Variants in ZNF536 observed in about 807,000 individuals in gnomAD.
The protein encoded by ZNF536 is zinc finger protein 536.
ZNF536 carries 13 observed loss-of-function variants against 84.5 expected under a neutral mutation model. The observed-to-expected ratio is 0.15, with a 90% CI of 0.10 to 0.24. The LOEUF is 0.24. Ranked by LOEUF, ZNF536 falls within the 10% of genes least tolerant of loss-of-function variation. ZNF536 has a pLI of 1.00. For missense variants in ZNF536, 1,536 were observed against 1,747.5 expected (o/e 0.88, Z 2.16); for synonymous variants, 811 against 742.5 (o/e 1.09, Z -1.50).
At chr19:30,424,571 G>C (rs962861762) in intron 1 of ZNF536, among the ~76,000 whole-genome samples, 2 of 152,108 alleles carry the variant, frequency 1.3e-5, no homozygotes, top group African/African-American at 4.8e-5. Flanking sequence ...ACGTTTGGCT[G>C]TAGATCAGAG....
chr19:30,251,973 T>C (rs779867956), intron 1 of ZNF536, among the ~76,000 whole-genome samples: 2 of 152,114 alleles, frequency 1.3e-5, no homozygotes, highest in Non-Finnish European at 2.9e-5. Context: ...AAAAGAGCTT[T>C]TGCACAGCAA....
chr19:30,557,159 A>G lies in ZNF536; in HGVS notation c.3898A>G (p.Lys1300Glu). The change falls in exon 5 of 5, where the codon AAG becomes GAG. Residue 1300 changes from lysine (K) to glutamate (E), a missense_variant and splice_region_variant. By Grantham distance (56) the Lys-to-Glu change is moderately conservative. Coordinates refer to ENST00000355537, the MANE Select transcript of ZNF536 (RefSeq NM_014717.3). ...GCIKRPDLCG[K>E] ...TAAATCTGCACATTTTCTTGCAGGTAAGTGACACTCCCTGTCCTAGTCGGT... is the reference window on the plus strand; with the variant it reads ...TAAATCTGCACATTTTCTTGCAGGTGAGTGACACTCCCTGTCCTAGTCGGT... 6.2e-7 allele frequency: 1 copy of G among 1,613,600 alleles called. No homozygotes were observed. Among genetic ancestry groups the G allele is most frequent in the Non-Finnish European group, 8.5e-7 (1 of 1,179,760 alleles).
chr19:30,530,742 G>A (rs1399357638), intron 2 of ZNF536, among the ~76,000 whole-genome samples: 2 of 152,186 alleles, frequency 1.3e-5, no homozygotes, highest in Admixed American at 6.5e-5. Context: ...TCCACCTGAT[G>A]TTATGGGGTG....
At chr19:30,441,890 G>A (rs1491002806) in intron 1 of ZNF536, among the ~76,000 whole-genome samples, 1 of 152,170 alleles carries the variant, frequency 6.6e-6, no homozygotes, top group Non-Finnish European at 1.5e-5. Context: ...GTCTCCCATT[G>A]GAGACCCTCC....
intron 2 of ZNF536, among the ~76,000 whole-genome samples, chr19:30,511,556 G>A (rs765561008): frequency 9.9e-5 from 15 of 152,198 alleles, no homozygotes; most frequent in Non-Finnish European, 2.1e-4. Context: ...CATTGTGTCT[G>A]CGGCCATGGC....
At position 30,534,871 on chromosome 19, in the gene ZNF536, C is replaced by A. The variant is rs866020641; in HGVS notation, c.2195C>A (p.Ser732Tyr). The change falls in exon 3 of 5, where the codon TCT (serine) becomes TAT (tyrosine). Residue 732 changes from serine (S) to tyrosine (Y), a missense_variant. Ser to Tyr is a moderately radical substitution (Grantham distance 144). Transcript: ENST00000355537. ...GACATTGGCGAGGAGGCTGGGAGAT[C>A]TGCCGGCGTCCAGCAACCAGCGCTG... ...SSDIGEEAGR[S>Y]AGVQQPALLR... 1 of 1,613,186 alleles carries A rather than the reference C, an allele frequency of 6.2e-7. No individual in the cohort carries two copies.
At chr19:30,635,777 G>T (rs1261982779) in intron 1 of ZNF536, among the ~76,000 whole-genome samples, 1 of 152,222 alleles carries the variant, frequency 6.6e-6, no homozygotes, top group Non-Finnish European at 1.5e-5. Flanking sequence ...TTCATTACGC[G>T]ACAGCAGACC....
intron 1 of ZNF536, among the ~76,000 whole-genome samples, chr19:30,633,745 TA>T (rs1289199642): frequency 6.6e-6 from 1 of 152,208 alleles, no homozygotes; most frequent in Non-Finnish European, 1.5e-5. Context: ...TTAAATTTTT[TA>T]ATTTTTTTGT....
intron 1 of ZNF536, among the ~76,000 whole-genome samples, chr19:30,576,471 A>G (rs2046740591): frequency 6.6e-6 from 1 of 152,044 alleles, no homozygotes; most frequent in African/African-American, 2.4e-5. Flanking sequence ...TTGAACTTCA[A>G]TCTTTTCCCT....
chr19:30,317,215 C>T (rs1297475372), intron 2 of ZNF536, among the ~76,000 whole-genome samples: 1 of 152,336 alleles, frequency 6.6e-6, no homozygotes, highest in East Asian at 1.9e-4. Context: ...GCTCCCCTCT[C>T]CCAGAAGACA....
At chr19:30,432,247 G>A (rs1044005637) in intron 1 of ZNF536, among the ~76,000 whole-genome samples, 2 of 152,150 alleles carry the variant, frequency 1.3e-5, no homozygotes, top group East Asian at 1.9e-4. Flanking sequence ...GCAGTCCGTG[G>A]ATGTGACACC....
chr19:30,368,833 G>T (rs562520492), upstream of ZNF536, among the ~76,000 whole-genome samples: 2 of 152,174 alleles, frequency 1.3e-5, no homozygotes, highest in Admixed American at 6.5e-5. Flanking sequence ...CAGCTGCTCC[G>T]CTTGCTTGGT....
chr19:30,654,218 A>G (rs1265483396), intron 1 of ZNF536, among the ~76,000 whole-genome samples: 1 of 152,110 alleles, frequency 6.6e-6, no homozygotes, highest in African/African-American at 2.4e-5. Context: ...CCCAGTGGGG[A>G]GGGAGCCTGA....
chr19:30,636,759 A>T (rs888454021), intron 1 of ZNF536, among the ~76,000 whole-genome samples: 1 of 152,124 alleles, frequency 6.6e-6, no homozygotes, highest in Non-Finnish European at 1.5e-5. Context: ...TCCAAGCTTC[A>T]TGTAGAGTGG....
intron 1 of ZNF536, among the ~76,000 whole-genome samples, chr19:30,260,168 C>T (rs139197893): frequency 8.5e-5 from 13 of 152,256 alleles, no homozygotes; most frequent in East Asian, 1.9e-4. Context: ...GAGGTGACTC[C>T]GATGTCTAAA....
intron 1 of ZNF536, among the ~76,000 whole-genome samples, chr19:30,417,629 A>C (rs1038635962): frequency 2.0e-5 from 3 of 152,208 alleles, no homozygotes; most frequent in African/African-American, 7.2e-5. Context: ...TTCTTTGCTA[A>C]TTGCATTAGT....
chr19:30,334,411 GT>G (rs765701762), intron 2 of ZNF536, among the ~76,000 whole-genome samples: 13 of 152,136 alleles, frequency 8.5e-5, no homozygotes, highest in Non-Finnish European at 1.8e-4. Context: ...TGGCAGGTGA[GT>G]ATTAACCTCC....
chr19:30,372,059 T>C (rs1454499900), upstream of ZNF536, among the ~76,000 whole-genome samples: 6 of 152,216 alleles, frequency 3.9e-5, no homozygotes, highest in Non-Finnish European at 7.3e-5. Context: ...CATTTCTATT[T>C]AGAACTGGGT....
chr19:30,517,250 A>G (rs1405097358), intron 2 of ZNF536, among the ~76,000 whole-genome samples: 1 of 152,206 alleles, frequency 6.6e-6, no homozygotes, highest in African/African-American at 2.4e-5. Context: ...TTGAAATAAC[A>G]GACCCATCAT....
Sources: gnomAD v4.1 joint callset for allele counts (sites outside exome capture counted in the v4.1 genomes callset) on GRCh38, gnomAD v4.1.1 for gene constraint, MANE v1.5 for transcripts, NCBI Gene and HGNC (gene_info 2026-07-23, HGNC 2026-07-21) for gene names.